Variants in SACS observed in about 807,000 individuals in gnomAD.
SACS encodes sacsin.
Under a neutral mutation model 348.0 loss-of-function variants are expected in SACS, and 197 were observed. The observed-to-expected ratio is 0.57, with a 90% confidence interval of 0.50 to 0.64. The LOEUF is 0.64. SACS is among the 30% of genes least tolerant of loss of function. SACS has a pLI of 0.00. For missense variants in SACS, 4,999 were observed against 5,360.8 expected (o/e 0.93, Z 2.11); for synonymous variants, 1,985 against 1,910.6 (o/e 1.04, Z -1.02).
At position 23,335,650 on chromosome 13, in the gene SACS, A is replaced by G. The variant is rs2137593985; in HGVS notation, c.8226T>C (p.Asn2742=). 1 of 1,614,016 alleles carries G rather than the reference A, an allele frequency of 6.2e-7. No individual in the cohort carries two copies. The highest frequency in any genetic ancestry group is 1.1e-5 in the South Asian group (1 of 91,082). ...SDGAELLMFL[N]HMEKISICEI... ...CACAAATAGAAATTTTTTCCATGTG[A>G]TTAAGAAACATTAGAAGTTCTGCCC... is the stretch of plus-strand genomic sequence containing the variant. Residue 2742 remains asparagine (N), a synonymous_variant, in exon 10 of 10, where the codon AAT becomes AAC. Transcript: ENST00000382292. The surrounding 1 kb of genome is among the most constrained non-coding windows in gnomAD (Gnocchi z 4.7).
rs1057517002 is a variant in SACS at position 23,333,072 on chromosome 13, G to C, written c.10804C>G (p.Gln3602Glu). The C allele has an allele frequency of 1.2e-6, 2 of 1,613,802 alleles. No individual in the cohort carries two copies. The highest frequency in any genetic ancestry group is 1.3e-5 in the African/African-American group (1 of 74,918). Residue 3602 changes from glutamine to glutamate, a missense_variant, in exon 10 of 10, where the codon CAG (glutamine) becomes GAG (glutamate). Physicochemically the swap from Gln to Glu is conservative, Grantham distance 29 (BLOSUM62 2). Around this residue, in one of 6 missense-constraint regions of SACS, gnomAD observed 831 missense variants for 941.8 expected, o/e 0.88. Transcript: ENST00000382292. ...CTCACACTGATTTCCTTAGCAAACTGTAACAACTGCTGCTGAGAAAGTATG... is the reference window on the plus strand; with the variant it reads ...CTCACACTGATTTCCTTAGCAAACTCTAACAACTGCTGCTGAGAAAGTATG... ...KYILSQQQLL[Q>E]FAKEISVRAN...
intron 9 of SACS, among the ~76,000 whole-genome samples, chr13:23,343,988 CGATAATGCAA>C (rs1869443055): frequency 6.6e-6 from 1 of 152,092 alleles, no homozygotes; most frequent in Non-Finnish European, 1.5e-5. Flanking sequence ...GTGTGATTTA[CGATAATGCAA>C]GCAGCAATAT....
chr13:23,375,285 G>A lies in SACS; in HGVS notation c.21-16C>T, dbSNP rs755781227. The A allele has an allele frequency of 1.3e-5, 19 of 1,434,818 alleles. No homozygotes were observed. In the African/African-American group the frequency reaches 1.3e-4, roughly 10 times the overall value. 88.9% of individuals were successfully genotyped at this position (1,434,818 alleles called of 1,614,324 possible). Reference sequence around the variant, plus strand: ...CGGGACCCACCTGTGGAAAGCAGAGGGACGCTCAGTCGGGCTGCGGCTGCC... The same window carrying A: ...CGGGACCCACCTGTGGAAAGCAGAGAGACGCTCAGTCGGGCTGCGGCTGCC... On this transcript the variant is annotated splice_polypyrimidine_tract_variant and intron_variant, in intron 2 of 9. Coordinates refer to ENST00000382292, the MANE Select transcript of SACS (RefSeq NM_014363.6).
intron 2 of SACS, chr13:23,375,693 GC>G: frequency 2.4e-6 from 1 of 411,194 alleles, no homozygotes; most frequent in Non-Finnish European, 2.9e-6. Flanking sequence ...TCCAGGCCCC[GC>G]CCAGTCAAGT....
rs374961109 is a variant in SACS at position 23,340,325 on chromosome 13, G to C, written c.3551C>G (p.Pro1184Arg). ...KGDLCNLCAPPDMCDVGHAIL... is the reference protein window; with the variant it reads ...KGDLCNLCAPRDMCDVGHAIL... ...TGCATGGCCTACATCACACATATCT[G>C]GTGGTGCACAGAGATTACAGAGATC... Residue 1184 changes from proline (P) to arginine (R), a missense_variant, in exon 10 of 10, where the codon CCA becomes CGA. Pro to Arg is a moderately radical substitution (Grantham distance 103, BLOSUM62 -2). Around this residue, in one of 6 missense-constraint regions of SACS, gnomAD observed 3,156 missense variants for 3,380.1 expected, o/e 0.93. Transcript: ENST00000382292. 162 of 1,613,836 alleles carry C rather than the reference G, an allele frequency of 1.0e-4. No homozygotes were observed. The highest frequency in any genetic ancestry group is 1.2e-4 in the Non-Finnish European group (137 of 1,179,960).
intron 2 of SACS, among the ~76,000 whole-genome samples, chr13:23,397,225 A>C (rs1872744230): frequency 6.6e-6 from 1 of 152,194 alleles, no homozygotes; most frequent in Non-Finnish European, 1.5e-5. Context: ...AATAAGGGTG[A>C]GGTGAAACAA....
rs1385192585 is a variant in SACS at position 23,407,451 on chromosome 13, G to A, written c.20+3769C>T. ...CCTGACCTCGTGATCTGCCCACCTC[G>A]GCCTCCCAAAGTGCTGGGATTACAG... is the stretch of plus-strand genomic sequence containing the variant. On this transcript the variant is annotated intron_variant, in intron 2 of 9. Coordinates refer to ENST00000382292, the MANE Select transcript of SACS (RefSeq NM_014363.6). 2.6e-5 allele frequency among the ~76,000 whole-genome samples: 4 copies of A among 151,494 alleles called. 1 individual carries two copies. Among genetic ancestry groups the A allele is most frequent in the African/African-American group, 9.7e-5 (4 of 41,224 alleles).
intron 2 of SACS, among the ~76,000 whole-genome samples, chr13:23,391,864 T>C (rs1346003634): frequency 1.3e-5 from 2 of 149,836 alleles, no homozygotes; most frequent in Non-Finnish European, 3.0e-5. Flanking sequence ...TGCCCATCAG[T>C]GTGGGTTCCC....
intron 1 of SACS, among the ~76,000 whole-genome samples, chr13:23,432,702 G>T (rs868596871): frequency 6.6e-6 from 1 of 152,110 alleles, no homozygotes; most frequent in Non-Finnish European, 1.5e-5. Context: ...CATGACCTGT[G>T]AATCAATTAC....
chr13:23,332,491 A>C lies in SACS; in HGVS notation c.11385T>G (p.Ala3795=), dbSNP rs148605896. The C allele has an allele frequency of 4.0e-5, 65 of 1,613,994 alleles. No homozygotes were observed. The African/African-American group carries it at 8.0e-4, about 20-fold the overall frequency. ...REFRFQLRGV[A]FVMVEDGWKL... The stretch of plus-strand genomic sequence containing the variant: ...TCCAACCATCTTCTACCATCACAAA[A>C]GCAACCCCTCGCAACTGAAAACGAA... The change falls in exon 10 of 10, where the codon GCT becomes GCG. Residue 3795 remains alanine, a synonymous_variant. Transcript: ENST00000382292.
At chr13:23,421,722 G>A (rs907297364) in intron 1 of SACS, among the ~76,000 whole-genome samples, 12 of 151,834 alleles carry the variant, frequency 7.9e-5, no homozygotes, top group South Asian at 6.3e-4. Flanking sequence ...ATCCACCTGC[G>A]GCCTGATGTC....
intron 9 of SACS, among the ~76,000 whole-genome samples, chr13:23,347,296 A>G (rs992151117): frequency 2.0e-5 from 3 of 151,912 alleles, no homozygotes; most frequent in Non-Finnish European, 4.4e-5. Flanking sequence ...AGAAAAAGAG[A>G]TTTTATCATC....
At chr13:23,383,733 G>A (rs187934293) in intron 2 of SACS, among the ~76,000 whole-genome samples, 73 of 152,252 alleles carry the variant, frequency 4.8e-4, no homozygotes, top group African/African-American at 1.7e-3. Flanking sequence ...GACAAACGAC[G>A]CTTATGTCTC....
Position 23,332,901 on chromosome 13 carries a change from C to A in SACS, c.10975G>T (p.Ala3659Ser). The A allele has an allele frequency of 6.2e-7, 1 of 1,613,856 alleles. No individual in the cohort carries two copies. Among genetic ancestry groups the A allele is most frequent in the Non-Finnish European group, 8.5e-7 (1 of 1,179,922 alleles). ...TGAAATCTAATGAATTCCGCGGGGG[C>A]CCGCTCAGGACATAAGAATGGTATT... ...SLIPFLCPER[A>S]PAEFIRFHPQ... The change falls in exon 10 of 10, where the codon GCC becomes TCC. Residue 3659 changes from alanine (A) to serine (S), a missense_variant. By Grantham distance (99) the Ala-to-Ser change is moderately conservative. Around this residue, in one of 6 missense-constraint regions of SACS, gnomAD observed 831 missense variants for 941.8 expected, o/e 0.88. Coordinates refer to ENST00000382292, the MANE Select transcript of SACS (RefSeq NM_014363.6).
At chr13:23,407,360 G>A (rs144967672) in intron 2 of SACS, among the ~76,000 whole-genome samples, 1,799 of 152,178 alleles carry the variant, frequency 0.012, 24 homozygotes, top group African/African-American at 0.041. Flanking sequence ...CACCACGCCC[G>A]GCTAATCTTT....
chr13:23,340,496 T>G lies in SACS; in HGVS notation c.3380A>C (p.Lys1127Thr). Reference protein sequence around the residue: ...ACPDQDVLLKKAKTLLLVLNK... With the variant: ...ACPDQDVLLKTAKTLLLVLNK... Reference sequence around the variant, plus strand: ...TAAAACCAGTAAGAGGGTTTTGGCTTTCTTCAGAAGAACATCTTGATCAGG... The same window carrying G: ...TAAAACCAGTAAGAGGGTTTTGGCTGTCTTCAGAAGAACATCTTGATCAGG... Residue 1127 changes from lysine (K) to threonine (T), a missense_variant, in exon 10 of 10, where the codon AAA (lysine) becomes ACA (threonine). This residue lies in a region of SACS where 3,156 missense variants were observed against 3,380.1 expected (regional missense o/e 0.93). Coordinates refer to ENST00000382292, the MANE Select transcript of SACS (RefSeq NM_014363.6). 1 of 1,611,764 alleles carries G rather than the reference T, an allele frequency of 6.2e-7. No individual in the cohort carries two copies. The highest frequency in any genetic ancestry group is 1.1e-5 in the South Asian group (1 of 90,612).
Position 23,355,539 on chromosome 13 carries a change from T to C in SACS, c.1073A>G (p.Asn358Ser), listed in dbSNP as rs1239683967. ...ATTGCTTGGAGTCTTTTTACAATAG[T>C]TACTTATAGCAGTTCCCAGAATCTT... ...SIKILGTAIS[N>S]YCKKTPSNNI... Residue 358 changes from asparagine (N) to serine (S), a missense_variant, in exon 8 of 10, where the codon AAC becomes AGC. Coordinates refer to ENST00000382292, the MANE Select transcript of SACS (RefSeq NM_014363.6). 1.7e-5 allele frequency: 27 copies of C among 1,614,030 alleles called. No homozygotes were observed. The Admixed American group carries it at 4.0e-4, about 24-fold the overall frequency.
At chr13:23,413,121 G>A (rs764398207) in intron 1 of SACS, among the ~76,000 whole-genome samples, 5 of 152,170 alleles carry the variant, frequency 3.3e-5, no homozygotes, top group Non-Finnish European at 7.3e-5. Context: ...GGGATTACAA[G>A]CAAGCACCAC....
chr13:23,385,771 T>TA (rs1189563386), intron 2 of SACS, among the ~76,000 whole-genome samples: 1 of 152,210 alleles, frequency 6.6e-6, no homozygotes, highest in African/African-American at 2.4e-5. Flanking sequence ...TATAGCCTCA[T>TA]AAAATGTATT....
Sources: allele counts gnomAD v4.1 joint callset (sites outside exome capture counted in the v4.1 genomes callset), GRCh38; gene constraint gnomAD v4.1.1; regional missense constraint gnomAD v4.1.1; non-coding constraint Gnocchi (gnomAD v3.1); transcripts MANE v1.5; gene names NCBI Gene and HGNC (gene_info 2026-07-23, HGNC 2026-07-21).